TMPRSS15: variants seen among roughly 807,000 people sequenced by gnomAD.
The protein encoded by TMPRSS15 is enteropeptidase.
A neutral mutation model predicts 125.3 loss-of-function variants in TMPRSS15; 128 were observed. The ratio of observed to expected loss-of-function variants is 1.02; its 90% CI spans 0.89 to 1.18. The LOEUF (loss-of-function observed/expected upper bound fraction) is 1.18, where lower values mean the gene tolerates loss of function less well. Ranked by LOEUF, TMPRSS15 falls within the 50% of genes most tolerant of loss-of-function variation. TMPRSS15 has a pLI of 0.00. For missense variants in TMPRSS15, 1,283 were observed against 1,212.7 expected (o/e 1.06, Z -0.86); for synonymous variants, 446 against 423.2 (o/e 1.05, Z -0.66).
chr21:18,483,524 C>T (rs928851643), intron 1 of TMPRSS15, among the ~76,000 whole-genome samples: 1 of 151,754 alleles, frequency 6.6e-6, no homozygotes, highest in African/African-American at 2.4e-5. Context: ...CATAGCGTAA[C>T]ATTTTTATTG....
intron 1 of TMPRSS15, among the ~76,000 whole-genome samples, chr21:18,443,731 G>A (rs985846615): frequency 1.6e-4 from 24 of 152,340 alleles, no homozygotes; most frequent in African/African-American, 5.8e-4. Context: ...AACTCAGCCA[G>A]TGGCTGCAGC....
chr21:18,397,389 TCAAA>T (rs1774509567), intron 3 of TMPRSS15, among the ~76,000 whole-genome samples: 1 of 152,192 alleles, frequency 6.6e-6, no homozygotes, highest in Admixed American at 6.5e-5. Context: ...TGTTACAGAT[TCAAA>T]CATTCATAGT....
At chr21:18,319,657 G>A (rs768211372) in intron 16 of TMPRSS15, among the ~76,000 whole-genome samples, 5 of 152,206 alleles carry the variant, frequency 3.3e-5, no homozygotes, top group African/African-American at 1.2e-4. Flanking sequence ...TCAAACTCCC[G>A]ACCTCAGGTG....
intron 7 of TMPRSS15, among the ~76,000 whole-genome samples, chr21:18,360,364 T>A (rs1262137797): frequency 6.6e-6 from 1 of 152,136 alleles, no homozygotes; most frequent in Admixed American, 6.6e-5. Context: ...TTTTACCTTT[T>A]GTTTATTGTA....
chr21:18,394,755 A>G (rs558353476), intron 3 of TMPRSS15, among the ~76,000 whole-genome samples: 9 of 152,272 alleles, frequency 5.9e-5, no homozygotes, highest in Admixed American at 5.2e-4. Context: ...ATTACAATCT[A>G]AATGATAAAA....
chr21:18,289,302 T>C lies in TMPRSS15; in HGVS notation c.2486+4968A>G, dbSNP rs531489210. Among the ~76,000 whole-genome samples the C allele has an allele frequency of 1.7e-4, 26 of 152,208 alleles. No individual in the cohort carries two copies. The South Asian group carries it at 4.4e-3, about 25-fold the overall frequency. ...CTGAGGTGGGCGGATCACCTGAGGT[T>C]GGGCTTTCAAGACCAGCCTGACCAA... On this transcript the variant is annotated intron_variant, in intron 21 of 24. Transcript: ENST00000284885.
chr21:18,359,721 A>G (rs1270040829), intron 8 of TMPRSS15, 36 bp downstream of exon 8: 1 of 1,047,554 alleles, frequency 9.5e-7, no homozygotes, highest in Admixed American at 1.8e-5. Flanking sequence ...ACATATTTTC[A>G]TTTTCATAAG....
chr21:18,386,047 AAC>A (rs1201996609), intron 3 of TMPRSS15, among the ~76,000 whole-genome samples: 2 of 152,106 alleles, frequency 1.3e-5, no homozygotes, highest in East Asian at 3.9e-4. Flanking sequence ...CTGGCCAATA[AAC>A]ACTTATTTTT....
intron 18 of TMPRSS15, among the ~76,000 whole-genome samples, chr21:18,306,835 C>T (rs1275723738): frequency 6.6e-6 from 1 of 151,600 alleles, no homozygotes; most frequent in Non-Finnish European, 1.5e-5. Context: ...TTCTTTCATA[C>T]TTTGATCAAA....
chr21:18,403,673 A>G lies in TMPRSS15; in HGVS notation c.-51T>C, dbSNP rs1308545711. On this transcript the variant is annotated 5_prime_UTR_variant, in exon 1 of 25. Coordinates refer to ENST00000284885, the MANE Select transcript of TMPRSS15 (RefSeq NM_002772.3). ...TAAGAACTGAAAGAGAATATAAATA[A>G]TTCTACCAACTGAAGAGAAAAATCT... 1 of 1,611,260 alleles carries G rather than the reference A, an allele frequency of 6.2e-7. No homozygotes were observed. The highest frequency in any genetic ancestry group is 8.5e-7 in the Non-Finnish European group (1 of 1,177,994).
chr21:18,405,763 T>G (rs894548889), upstream of TMPRSS15, among the ~76,000 whole-genome samples: 1 of 152,150 alleles, frequency 6.6e-6, no homozygotes, highest in African/African-American at 2.4e-5. Context: ...GGATTAAGCA[T>G]ATATAAAAAG....
At chr21:18,481,947 G>A (rs921381336) in intron 1 of TMPRSS15, among the ~76,000 whole-genome samples, 4 of 151,612 alleles carry the variant, frequency 2.6e-5, no homozygotes, top group African/African-American at 9.7e-5. Context: ...TTGTTTCATA[G>A]ATTCAGGAAA....
intron 5 of TMPRSS15, among the ~76,000 whole-genome samples, chr21:18,375,035 G>A (rs2075829786): frequency 6.6e-6 from 1 of 152,184 alleles, no homozygotes; most frequent in African/African-American, 2.4e-5. Flanking sequence ...CTAGTTGGAA[G>A]TATTTTGAAT....
intron 5 of TMPRSS15, among the ~76,000 whole-genome samples, chr21:18,372,792 C>T (rs769867809): frequency 1.9e-4 from 29 of 152,192 alleles, no homozygotes; most frequent in Non-Finnish European, 2.5e-4. Context: ...CACACCCCTG[C>T]GGGGTTTCAT....
At chr21:18,421,680 T>C (rs1398540367) in intron 1 of TMPRSS15, among the ~76,000 whole-genome samples, 1 of 152,242 alleles carries the variant, frequency 6.6e-6, no homozygotes, top group Non-Finnish European at 1.5e-5. Flanking sequence ...GATTGTACTC[T>C]GTCTTTTGAA....
At chr21:18,346,923 C>T (rs1431295684) in intron 10 of TMPRSS15, among the ~76,000 whole-genome samples, 2 of 152,098 alleles carry the variant, frequency 1.3e-5, no homozygotes, top group Non-Finnish European at 2.9e-5. Context: ...TGTGTTATGA[C>T]CTCAATGTCA....
intron 22 of TMPRSS15, among the ~76,000 whole-genome samples, chr21:18,279,480 C>T (rs1201718458): frequency 6.6e-6 from 1 of 150,874 alleles, no homozygotes; most frequent in Non-Finnish European, 1.5e-5. Context: ...CGCCCGCCAC[C>T]ACGCCTGGCT....
At chr21:18,308,202 C>A (rs2075057114) in intron 18 of TMPRSS15, among the ~76,000 whole-genome samples, 1 of 152,114 alleles carries the variant, frequency 6.6e-6, no homozygotes, top group South Asian at 2.1e-4. Flanking sequence ...ATGCCACTTA[C>A]CCAGTTCTTT....
chr21:18,464,594 T>C lies in TMPRSS15; in HGVS notation c.10+21205A>G, dbSNP rs2122954738. 7.9e-5 allele frequency among the ~76,000 whole-genome samples: 12 copies of C among 152,072 alleles called. No homozygotes were observed. In the South Asian group the frequency reaches 1.0e-3, roughly 13 times the overall value. On this transcript the variant is annotated intron_variant, in intron 1 of 7. Transcript: ENST00000422787. ...AAAGGGGATATCACCACCAACCCCA[T>C]AGAAATACAAACTACCATCAGAGAA...
Sources: allele counts gnomAD v4.1 joint callset (sites outside exome capture counted in the v4.1 genomes callset), GRCh38; gene constraint gnomAD v4.1.1; transcripts MANE v1.5; gene names NCBI Gene and HGNC (gene_info 2026-07-23, HGNC 2026-07-21).